PTGER4: variants seen among roughly 807,000 people sequenced by gnomAD.
PTGER4 encodes the protein prostaglandin E2 receptor EP4 subtype.
Under a neutral mutation model 33.2 loss-of-function variants are expected in PTGER4, and 11 were observed. The observed-to-expected ratio is 0.33, with a 90% CI of 0.21 to 0.55. The LOEUF (loss-of-function observed/expected upper bound fraction) is 0.55, where lower values mean the gene tolerates loss of function less well. PTGER4 is among the 20% of genes least tolerant of loss of function. The pLI, the probability that PTGER4 is intolerant of heterozygous loss-of-function variation, is 0.92. For missense variants in PTGER4, 481 were observed against 650.2 expected (o/e 0.74, Z 2.83); for synonymous variants, 275 against 281.5 (o/e 0.98, Z 0.23).
At chr5:40,724,583 A>C in the PTGER4 span, among the ~76,000 whole-genome samples, 1 of 151,654 alleles carries the variant, frequency 6.6e-6, no homozygotes, top group Non-Finnish European at 1.5e-5. Flanking sequence ...AAGTGAGCCG[A>C]GATCACACCA....
the PTGER4 span, among the ~76,000 whole-genome samples, chr5:40,722,959 C>A: frequency 6.6e-6 from 1 of 152,120 alleles, no homozygotes; most frequent in Non-Finnish European, 1.5e-5. Context: ...TCATTGAGAG[C>A]GGGCCATGAT....
Position 40,681,260 on chromosome 5 carries a change from G to A in PTGER4, c.267G>A (p.Gln89=). 1 of 1,614,190 alleles carries A rather than the reference G, an allele frequency of 6.2e-7. No homozygotes were observed. The highest frequency in any genetic ancestry group is 1.7e-5 in the Admixed American group (1 of 60,036). The change falls in exon 2 of 3, where the codon CAG becomes CAA. Residue 89 remains glutamine (Q), a synonymous_variant. Coordinates refer to ENST00000302472, the MANE Select transcript of PTGER4 (RefSeq NM_000958.3). The surrounding 1 kb of genome is among the most constrained non-coding windows in gnomAD (Gnocchi z 9.8). ...TYMKGQWPGG[Q]PLCEYSTFIL... ...TGAAGGGCCAATGGCCCGGGGGCCA[G>A]CCGCTGTGCGAGTACAGCACCTTCA... is the stretch of plus-strand genomic sequence containing the variant.
rs1189199452 is a variant in PTGER4 at position 40,681,561 on chromosome 5, G to A, written c.568G>A (p.Gly190Ser). ...AHAAYSYMYA[G>S]FSSFLILATV... ...CGCCGCCTACTCCTACATGTACGCG[G>A]GCTTCAGCTCCTTCCTCATTCTCGC... is the stretch of plus-strand genomic sequence containing the variant. The change falls in exon 2 of 3, where the codon GGC (glycine) becomes AGC (serine). Residue 190 changes from glycine (G) to serine (S), a missense_variant. Transcript: ENST00000302472. This position sits in a 1 kb window ranked among gnomAD's most constrained non-coding sequence, Gnocchi z 9.8. 1 of 1,611,586 alleles carries A rather than the reference G, an allele frequency of 6.2e-7. No individual in the cohort carries two copies. The highest frequency in any genetic ancestry group is 8.5e-7 in the Non-Finnish European group (1 of 1,180,044).
chr5:40,738,181 G>A, the PTGER4 span, among the ~76,000 whole-genome samples: 34 of 152,264 alleles, frequency 2.2e-4, no homozygotes, highest in African/African-American at 7.5e-4. Flanking sequence ...GGAGGCCAAG[G>A]CAGGCAGATA....
chr5:40,723,525 AAAAG>A, the PTGER4 span, among the ~76,000 whole-genome samples: 18 of 151,462 alleles, frequency 1.2e-4, no homozygotes, highest in African/African-American at 3.9e-4. Flanking sequence ...AAAAAAAAAA[AAAAG>A]AAATATCACC....
chr5:40,721,453 A>C, the PTGER4 span, among the ~76,000 whole-genome samples: 2 of 152,196 alleles, frequency 1.3e-5, no homozygotes, highest in Non-Finnish European at 2.9e-5. Flanking sequence ...ATAAATCCAC[A>C]CCCAACATGG....
chr5:40,693,384 T>A lies in PTGER4; in HGVS notation c.*1006T>A. On this transcript the variant is annotated 3_prime_UTR_variant, in exon 3 of 3. Transcript: ENST00000302472. ...TGTGTAGTTTTACTTTCCTAAGGAA[T>A]TACCAAGAATATCCTTTAAAATTTA... 2 of 984,516 alleles carry A rather than the reference T, an allele frequency of 2.0e-6. No homozygotes were observed. The highest frequency in any genetic ancestry group is 2.2e-4 in the East Asian group (2 of 8,956). The allele number at this position is 984,516 out of a possible 1,614,324, so 61.0% of individuals were successfully genotyped here. A position where few individuals can be genotyped will look rare whatever the true frequency, so the allele number is the denominator to read the frequency against.
At chr5:40,719,970 T>G in the PTGER4 span, among the ~76,000 whole-genome samples, 1 of 152,234 alleles carries the variant, frequency 6.6e-6, no homozygotes, top group Admixed American at 6.5e-5. Context: ...TTACAAATAT[T>G]TTCTTCCATT....
chr5:40,692,126 T>C lies in PTGER4; in HGVS notation c.1215T>C (p.Ser405=), dbSNP rs1425152341. 2 of 1,614,202 alleles carry C rather than the reference T, an allele frequency of 1.2e-6. No individual in the cohort carries two copies. Among genetic ancestry groups the C allele is most frequent in the Non-Finnish European group, 1.7e-6 (2 of 1,180,036 alleles). Residue 405 remains serine (S), a synonymous_variant, in exon 3 of 3, where the codon AGT becomes AGC. Coordinates refer to ENST00000302472, the MANE Select transcript of PTGER4 (RefSeq NM_000958.3). The part of the protein sequence containing the change: ...LLPDLSLPDL[S]ENGLGGRNLL... Reference sequence around the variant, plus strand: ...CAGACCTCTCACTGCCAGACCTCAGTGAAAATGGCCTTGGAGGCAGGAATT... The same window carrying C: ...CAGACCTCTCACTGCCAGACCTCAGCGAAAATGGCCTTGGAGGCAGGAATT...
chr5:40,733,281 C>T, the PTGER4 span, among the ~76,000 whole-genome samples: 1 of 152,028 alleles, frequency 6.6e-6, no homozygotes, highest in Non-Finnish European at 1.5e-5. Flanking sequence ...GGTCTTTGGT[C>T]TCTAGAGCAA....
At chr5:40,697,242 G>GAAGGAAAGAAAGAAAGAAAT (rs2111827160), downstream of PTGER4, among the ~76,000 whole-genome samples, 7 of 47,622 alleles carry the variant, frequency 1.5e-4, no homozygotes, top group Admixed American at 1.4e-3. Context: ...AAGAAAGAAA[G>GAAGGAAAGAAAGAAAGAAAT]AAAGAAAGAA....
At chr5:40,684,333 A>T (rs1020374665) in intron 2 of PTGER4, among the ~76,000 whole-genome samples, 1 of 152,168 alleles carries the variant, frequency 6.6e-6, no homozygotes, top group African/African-American at 2.4e-5. Context: ...AATTTTATCA[A>T]ATCAAGTGGT....
the PTGER4 span, among the ~76,000 whole-genome samples, chr5:40,736,661 T>A: frequency 2.0e-5 from 3 of 152,220 alleles, no homozygotes; most frequent in Non-Finnish European, 4.4e-5. Flanking sequence ...TAAAATATTA[T>A]ATCTAAAGTA....
At chr5:40,726,045 A>G in the PTGER4 span, among the ~76,000 whole-genome samples, 7 of 151,664 alleles carry the variant, frequency 4.6e-5, no homozygotes, top group Non-Finnish European at 8.8e-5. Context: ...TCGGCCTCCC[A>G]AAGTGCTGGG....
chr5:40,687,141 G>T (rs950756488), intron 2 of PTGER4, among the ~76,000 whole-genome samples: 4 of 152,106 alleles, frequency 2.6e-5, no homozygotes, highest in Admixed American at 1.3e-4. Flanking sequence ...CACCTCCCGG[G>T]TTCAAGTGAT....
rs1189438814 is a variant in PTGER4 at position 40,692,049 on chromosome 5, T to G, written c.1138T>G (p.Phe380Val). The change falls in exon 3 of 3, where the codon TTC becomes GTC. Residue 380 changes from phenylalanine to valine, a missense_variant. Physicochemically the swap from Phe to Val is conservative, Grantham distance 50. This residue lies in a region of PTGER4 where 172 missense variants were observed against 199.2 expected (regional missense o/e 0.86). Transcript: ENST00000302472. ...SSAMSGHSRS[F>V]ISRELKEISS... ...TGCCATGTCAGGCCACTCTCGCTCC[T>G]TCATCTCCCGGGAGCTGAAGGAGAT... 1 of 1,614,090 alleles carries G rather than the reference T, an allele frequency of 6.2e-7. No homozygotes were observed. The highest frequency in any genetic ancestry group is 1.3e-5 in the African/African-American group (1 of 74,944).
In PTGER4 at chr5:40,692,965, C is replaced by T; in HGVS notation, c.*587C>T. 1.0e-6 allele frequency: 1 copy of T among 954,454 alleles called. No homozygotes were observed. Among genetic ancestry groups the T allele is most frequent in the Non-Finnish European group, 1.2e-6 (1 of 801,720 alleles). 59.1% of individuals were successfully genotyped at this position (954,454 alleles called of 1,614,324 possible). A position where few individuals can be genotyped will look rare whatever the true frequency, so the allele number is the denominator to read the frequency against. On this transcript the variant is annotated 3_prime_UTR_variant, in exon 3 of 3. Coordinates refer to ENST00000302472, the MANE Select transcript of PTGER4 (RefSeq NM_000958.3). The stretch of plus-strand genomic sequence containing the variant: ...GCAGATGTTAGATATTTTTCATAAA[C>T]AAGTTCGAGTCAAAGTTGAAAATTC...
chr5:40,737,407 A>AT, the PTGER4 span, among the ~76,000 whole-genome samples: 1 of 152,322 alleles, frequency 6.6e-6, no homozygotes, highest in Middle Eastern at 3.4e-3. Context: ...CCGAAAATAC[A>AT]TAATATCCAG....
the PTGER4 span, among the ~76,000 whole-genome samples, chr5:40,710,650 C>T: frequency 6.6e-6 from 1 of 152,140 alleles, no homozygotes; most frequent in African/African-American, 2.4e-5. Flanking sequence ...TGGCACTATT[C>T]ACAATAGAAA....
Sources: allele counts gnomAD v4.1 joint callset (sites outside exome capture counted in the v4.1 genomes callset), GRCh38; gene constraint gnomAD v4.1.1; regional missense constraint gnomAD v4.1.1; non-coding constraint Gnocchi (gnomAD v3.1); transcripts MANE v1.5; gene names NCBI Gene and HGNC (gene_info 2026-07-23, HGNC 2026-07-21).